IQCK: variants seen among roughly 807,000 people sequenced by gnomAD.
The protein encoded by IQCK is IQ motif containing K.
A neutral mutation model predicts 28.1 loss-of-function variants in IQCK; 29 were observed. That is an observed-to-expected ratio of 1.03 (90% CI 0.77 to 1.41). The LOEUF (loss-of-function observed/expected upper bound fraction) is 1.41. Among genes scored for constraint, IQCK ranks in the 40% most tolerant of loss-of-function variants. The pLI is 0.00. For missense variants in IQCK, 359 were observed against 314.7 expected, an observed-to-expected ratio of 1.14 and a Z score of -1.07; for synonymous variants, 113 against 115.1, an observed-to-expected ratio of 0.98 and a Z score of 0.12.
At chr16:19,826,908 T>C (rs1189564740) in intron 7 of IQCK, 118 bp from the exon 8 acceptor site, 4 of 705,180 alleles carry the variant, frequency 5.7e-6, no homozygotes, top group South Asian at 5.1e-5. Flanking sequence ...AGGACGATGA[T>C]TCATTGAGAA....
chr16:19,851,793 G>T (rs556609712), intron 9 of IQCK, among the ~76,000 whole-genome samples: 1 of 152,130 alleles, frequency 6.6e-6, no homozygotes, highest in East Asian at 1.9e-4. Context: ...TGATGTCTCC[G>T]AGCTAAGGTG....
At chr16:19,814,761 C>T (rs999888812) in intron 7 of IQCK, among the ~76,000 whole-genome samples, 1 of 147,746 alleles carries the variant, frequency 6.8e-6, no homozygotes, top group African/African-American at 2.5e-5. Context: ...GACAAAAGGC[C>T]GAAAACATTA....
chr16:19,818,144 A>G (rs1412504792), intron 7 of IQCK, among the ~76,000 whole-genome samples: 1 of 152,198 alleles, frequency 6.6e-6, no homozygotes, highest in African/African-American at 2.4e-5. Flanking sequence ...GATCACAGCT[A>G]AAGTTATGGC....
chr16:19,846,958 G>A (rs1219300338), intron 9 of IQCK, among the ~76,000 whole-genome samples: 1 of 152,120 alleles, frequency 6.6e-6, no homozygotes, highest in Admixed American at 6.5e-5. Flanking sequence ...CCAAGGTGGT[G>A]TCAGATGATG....
chr16:19,752,296 T>C (rs928832611), intron 4 of IQCK, among the ~76,000 whole-genome samples: 6 of 152,236 alleles, frequency 3.9e-5, no homozygotes, highest in Non-Finnish European at 7.3e-5. Context: ...TTGGAAATTC[T>C]TTCTGATGCA....
chr16:19,845,074 G>A (rs1265978340), intron 9 of IQCK, among the ~76,000 whole-genome samples: 1 of 152,138 alleles, frequency 6.6e-6, no homozygotes, highest in African/African-American at 2.4e-5. Flanking sequence ...AAAGTGCTGG[G>A]ATTACAAGTG....
intron 4 of IQCK, among the ~76,000 whole-genome samples, chr16:19,752,665 G>T (rs148780201): frequency 2.3e-4 from 35 of 152,126 alleles, no homozygotes; most frequent in African/African-American, 7.9e-4. Flanking sequence ...CAGCTCTAAC[G>T]ATCCTCCCAC....
intron 4 of IQCK, among the ~76,000 whole-genome samples, chr16:19,763,350 A>G (rs1239488838): frequency 6.6e-6 from 1 of 152,168 alleles, no homozygotes. Context: ...TAGTAGGCTG[A>G]GAAGGAGGAG....
intron 4 of IQCK, among the ~76,000 whole-genome samples, chr16:19,760,832 G>A (rs1318515072): frequency 6.6e-6 from 1 of 152,158 alleles, no homozygotes; most frequent in African/African-American, 2.4e-5. Context: ...GAGCAGCCCC[G>A]AGGGCTGCTG....
At chr16:19,736,791 G>T (rs1312708067) in intron 4 of IQCK, among the ~76,000 whole-genome samples, 1 of 152,032 alleles carries the variant, frequency 6.6e-6, no homozygotes, top group East Asian at 1.9e-4. Context: ...GGACACAGAG[G>T]CCTGAAATGT....
chr16:19,847,382 T>C (rs1036259927), intron 9 of IQCK, among the ~76,000 whole-genome samples: 4 of 152,238 alleles, frequency 2.6e-5, no homozygotes, highest in Non-Finnish European at 4.4e-5. Flanking sequence ...CCGGTCACAG[T>C]GCAGTGCTCC....
intron 7 of IQCK, among the ~76,000 whole-genome samples, chr16:19,807,444 T>G (rs536874534): frequency 6.6e-6 from 1 of 152,306 alleles, no homozygotes; most frequent in East Asian, 1.9e-4. Context: ...AGGATAAAAG[T>G]AGAAGCAGGA....
At chr16:19,812,352 G>C (rs1359436429) in intron 7 of IQCK, among the ~76,000 whole-genome samples, 1 of 152,214 alleles carries the variant, frequency 6.6e-6, no homozygotes. Flanking sequence ...CAATAGGGAA[G>C]CTGGGGGCTA....
At chr16:19,815,304 T>C (rs1217178955) in intron 7 of IQCK, among the ~76,000 whole-genome samples, 2 of 152,142 alleles carry the variant, frequency 1.3e-5, no homozygotes, top group Non-Finnish European at 2.9e-5. Flanking sequence ...GTAGAATATC[T>C]GTAACACTTC....
At chr16:19,824,899 C>T (rs2056126033) in intron 7 of IQCK, among the ~76,000 whole-genome samples, 1 of 152,190 alleles carries the variant, frequency 6.6e-6, no homozygotes, top group African/African-American at 2.4e-5. Flanking sequence ...AACACAATTA[C>T]ACTCCATCCC....
At chr16:19,853,292 G>A (rs878859183) in intron 9 of IQCK, among the ~76,000 whole-genome samples, 2 of 152,064 alleles carry the variant, frequency 1.3e-5, no homozygotes, top group South Asian at 2.1e-4. Flanking sequence ...TTTCCAGCCC[G>A]TCAACTCGAG....
chr16:19,815,840 T>C (rs953713923), intron 7 of IQCK, among the ~76,000 whole-genome samples: 1 of 152,232 alleles, frequency 6.6e-6, no homozygotes, highest in African/African-American at 2.4e-5. Context: ...AATATTTTAT[T>C]AATATAAGAT....
At chr16:19,822,894 T>G (rs915435167) in intron 7 of IQCK, among the ~76,000 whole-genome samples, 1 of 152,190 alleles carries the variant, frequency 6.6e-6, no homozygotes, top group Non-Finnish European at 1.5e-5. Flanking sequence ...AGGTTCCTTG[T>G]GAATCTGATA....
At chr16:19,765,259 C>T (rs1308795096) in intron 6 of IQCK, among the ~76,000 whole-genome samples, 4 of 150,166 alleles carry the variant, frequency 2.7e-5, no homozygotes, top group Middle Eastern at 3.6e-3. Context: ...TATATCTGGC[C>T]GGGCATGGTG....
Sources: allele counts gnomAD v4.1 joint callset (sites outside exome capture counted in the v4.1 genomes callset), GRCh38; gene constraint gnomAD v4.1.1; transcripts MANE v1.5; gene names NCBI Gene and HGNC (gene_info 2026-07-23, HGNC 2026-07-21).